ASXL2: variants seen among roughly 807,000 people sequenced by gnomAD.
ASXL2 encodes the protein ASXL transcriptional regulator 2.
In ASXL2, 23 loss-of-function variants were observed where a neutral mutation model predicts 122.0. That is an observed-to-expected ratio of 0.19 (90% confidence interval 0.14 to 0.27). The LOEUF (loss-of-function observed/expected upper bound fraction) is 0.27. Among genes scored for constraint, ASXL2 ranks in the 10% least tolerant of loss-of-function variants. ASXL2 has a pLI of 1.00. For synonymous variants in ASXL2, 650 were observed against 637.0 expected, an observed-to-expected ratio of 1.02 and a Z score of -0.31; for missense variants, 1,518 against 1,713.8, an observed-to-expected ratio of 0.89 and a Z score of 2.02.
chr2:25,868,460 T>C (rs543585632), intron 1 of ASXL2, among the ~76,000 whole-genome samples: 5 of 152,378 alleles, frequency 3.3e-5, no homozygotes, highest in South Asian at 4.1e-4. Context: ...ATACTATAAT[T>C]AGCAAGTTTT....
At chr2:25,848,629 T>C (rs1303275877) in intron 1 of ASXL2, among the ~76,000 whole-genome samples, 1 of 151,034 alleles carries the variant, frequency 6.6e-6, no homozygotes, top group Non-Finnish European at 1.5e-5. Context: ...ATCTCAAAAA[T>C]AAACAAACAA....
At chr2:25,797,403 C>T (rs1032650153) in intron 5 of ASXL2, among the ~76,000 whole-genome samples, 6 of 152,130 alleles carry the variant, frequency 3.9e-5, no homozygotes. Flanking sequence ...CGAGATCGCT[C>T]CACTGTACTC....
Position 25,749,894 on chromosome 2 carries a change from A to C in ASXL2, c.1662T>G (p.Pro554=). The change falls in exon 12 of 13, where the codon CCT becomes CCG. Residue 554 remains proline, a synonymous_variant. Coordinates refer to ENST00000435504, the MANE Select transcript of ASXL2 (RefSeq NM_018263.6). ...GGCTCTGATCAACAAGAGTTGCTAG[A>C]GGTTCTTTCATATTAGTCTCCTGTG... ...AGPQETNMKE[P]LATLVDQSPE... is the part of the protein sequence containing the mutation. The C allele has an allele frequency of 6.2e-7, 1 of 1,611,840 alleles. No individual in the cohort carries two copies. The highest frequency in any genetic ancestry group is 1.1e-5 in the South Asian group (1 of 90,692).
In ASXL2 at chr2:25,768,631, T is replaced by G. The variant is rs1298964983; in HGVS notation, c.631+111A>C. 4 of 1,198,156 alleles carry G rather than the reference T, an allele frequency of 3.3e-6. No homozygotes were observed. In the East Asian group the frequency reaches 9.9e-5, roughly 30 times the overall value. 74.2% of individuals were successfully genotyped at this position (1,198,156 alleles called of 1,614,324 possible). A position where few individuals can be genotyped will look rare whatever the true frequency, so the allele number is the denominator to read the frequency against. On this transcript the variant is annotated intron_variant, in intron 7 of 12. Coordinates refer to ENST00000435504, the MANE Select transcript of ASXL2 (RefSeq NM_018263.6). ...TGATGTTTTGGCAGTACAAGGATTGTGTAAGTAAATATAATTTAAAAATAA... is the reference window on the plus strand; with the variant it reads ...TGATGTTTTGGCAGTACAAGGATTGGGTAAGTAAATATAATTTAAAAATAA...
In ASXL2 at chr2:25,820,840, T is replaced by C. The variant is rs534041241; in HGVS notation, c.144-14503A>G. 4.6e-5 allele frequency among the ~76,000 whole-genome samples: 7 copies of C among 152,076 alleles called. No individual in the cohort carries two copies. The South Asian group carries it at 1.5e-3, about 32-fold the overall frequency. On this transcript the variant is annotated intron_variant, in intron 3 of 12. Coordinates refer to ENST00000435504, the MANE Select transcript of ASXL2 (RefSeq NM_018263.6). Reference sequence around the variant, plus strand: ...AAATTTGAGACCAGCCTGGGAAACATATGGAGAACTTGTCTCTACAAAAAA... The same window carrying C: ...AAATTTGAGACCAGCCTGGGAAACACATGGAGAACTTGTCTCTACAAAAAA...
In ASXL2 at chr2:25,741,144, T is replaced by C. The variant is rs1347453983; in HGVS notation, c.*885A>G. On this transcript the variant is annotated 3_prime_UTR_variant, in exon 13 of 13. Coordinates refer to ENST00000435504, the MANE Select transcript of ASXL2 (RefSeq NM_018263.6). ...CCAATCACTAACACTTTCCTGTTCA[T>C]TTTATATGAGTATTTCAAAATTGTT... 6 of 211,008 alleles carry C rather than the reference T, an allele frequency of 2.8e-5. No homozygotes were observed. The highest frequency in any genetic ancestry group is 5.8e-5 in the Non-Finnish European group (6 of 104,194). 13.1% of individuals were successfully genotyped at this position (211,008 alleles called of 1,614,324 possible).
intron 5 of ASXL2, among the ~76,000 whole-genome samples, chr2:25,778,633 A>T (rs560299641): frequency 6.6e-6 from 1 of 152,348 alleles, no homozygotes; most frequent in African/African-American, 2.4e-5. Flanking sequence ...ACTGTACCTC[A>T]AACTACATAT....
chr2:25,810,719 C>T lies in ASXL2; in HGVS notation c.144-4382G>A, dbSNP rs972058788. ...CCTCCTCTGCTCAGCGTTGCAGCTG[C>T]TTCTCACCAGTGTATCAAGTCTTGC... On this transcript the variant is annotated intron_variant, in intron 3 of 12. Transcript: ENST00000435504. 5.0e-5 allele frequency: 31 copies of T among 623,982 alleles called. No homozygotes were observed. The Admixed American group carries it at 5.8e-4, about 12-fold the overall frequency. 38.7% of individuals were successfully genotyped at this position (623,982 alleles called of 1,614,324 possible).
In ASXL2 at chr2:25,868,314, C is replaced by T. The variant is rs113525742; in HGVS notation, c.57+9852G>A. Among the ~76,000 whole-genome samples, 172 of 152,342 alleles carry T rather than the reference C, an allele frequency of 1.1e-3. 2 individuals carry two copies. Among genetic ancestry groups the T allele is most frequent in the South Asian group, 5.0e-3 (24 of 4,828 alleles). On this transcript the variant is annotated intron_variant, in intron 1 of 12. Transcript: ENST00000435504. Reference sequence around the variant, plus strand: ...AGTTCAAGGTTAAAGATGACGTGGGCCATCCCAGGCTGTGAACGCCATGAA... The same window carrying T: ...AGTTCAAGGTTAAAGATGACGTGGGTCATCCCAGGCTGTGAACGCCATGAA...
At chr2:25,774,923 C>A (rs1008168868) in intron 5 of ASXL2, among the ~76,000 whole-genome samples, 2 of 152,184 alleles carry the variant, frequency 1.3e-5, no homozygotes, top group African/African-American at 4.8e-5. Context: ...GCTAAGAAAG[C>A]TGAACACTTG....
chr2:25,808,940 T>C (rs999618292), intron 3 of ASXL2, among the ~76,000 whole-genome samples: 7 of 152,144 alleles, frequency 4.6e-5, no homozygotes, highest in Admixed American at 4.6e-4. Context: ...CTGTATAGGC[T>C]GTCACAGCCA....
At chr2:25,774,766 T>A (rs1248552293) in intron 5 of ASXL2, among the ~76,000 whole-genome samples, 2 of 152,256 alleles carry the variant, frequency 1.3e-5, no homozygotes, top group Non-Finnish European at 2.9e-5. Context: ...TTTTAGGTGA[T>A]ACTGCCAGTT....
At chr2:25,795,155 C>T (rs897762083) in intron 5 of ASXL2, among the ~76,000 whole-genome samples, 2 of 152,090 alleles carry the variant, frequency 1.3e-5, no homozygotes, top group Non-Finnish European at 2.9e-5. Flanking sequence ...TTCTAGATAC[C>T]ACACACCGCC....
At chr2:25,832,908 A>G (rs1247217975) in intron 3 of ASXL2, among the ~76,000 whole-genome samples, 3 of 152,350 alleles carry the variant, frequency 2.0e-5, no homozygotes, top group African/African-American at 7.2e-5. Context: ...AGAGACATAC[A>G]ATGAATGGGG....
At chr2:25,752,347 A>G (rs570183807) in intron 11 of ASXL2, among the ~76,000 whole-genome samples, 5 of 152,098 alleles carry the variant, frequency 3.3e-5, no homozygotes, top group African/African-American at 9.6e-5. Context: ...GTTGGGGGGG[A>G]AAAACTGATT....
At chr2:25,856,759 A>T in intron 1 of ASXL2, 1 of 1,301,970 alleles carries the variant, frequency 7.7e-7, no homozygotes, top group Non-Finnish European at 1.1e-6. Context: ...AGACAGCTGC[A>T]GACCTTCTTC....
chr2:25,740,284 G>A lies in ASXL2; in HGVS notation c.*1745C>T. 4.5e-6 allele frequency: 1 copy of A among 222,524 alleles called. No individual in the cohort carries two copies. The highest frequency in any genetic ancestry group is 6.5e-5 in the East Asian group (1 of 15,422). 13.8% of individuals were successfully genotyped at this position (222,524 alleles called of 1,614,324 possible). The stretch of plus-strand genomic sequence containing the variant: ...CGAAGAGTGTGTGATGTGGGGGTGG[G>A]GTGGGCAGTGGTGGGTAGTAGAATG... On this transcript the variant is annotated 3_prime_UTR_variant, in exon 13 of 13. Coordinates refer to ENST00000435504, the MANE Select transcript of ASXL2 (RefSeq NM_018263.6).
In ASXL2 at chr2:25,768,869, C is replaced by G. The variant is rs763352821; in HGVS notation, c.505-1G>C. ...TCTTCTGCTGTTGCTGCTTTAGCGC[C>G]TATAAAGATAAAACAGACTATAAGA... On this transcript the variant is annotated splice_acceptor_variant, in intron 6 of 12. Transcript: ENST00000435504. LOFTEE classifies it high-confidence loss of function. 1.2e-6 allele frequency: 2 copies of G among 1,613,092 alleles called. No homozygotes were observed. The highest frequency in any genetic ancestry group is 2.2e-5 in the South Asian group (2 of 90,956).
chr2:25,766,904 C>G (rs1218976048), intron 8 of ASXL2, among the ~76,000 whole-genome samples: 4 of 152,098 alleles, frequency 2.6e-5, no homozygotes, highest in African/African-American at 7.2e-5. Flanking sequence ...AAAATTCCCC[C>G]CTTCTCTTCT....
Sources: gnomAD v4.1 joint callset for allele counts (sites outside exome capture counted in the v4.1 genomes callset) on GRCh38, gnomAD v4.1.1 for gene constraint, MANE v1.5 for transcripts, NCBI Gene and HGNC (gene_info 2026-07-23, HGNC 2026-07-21) for gene names.